Variants in RNF19A observed in about 807,000 individuals in gnomAD.
RNF19A encodes ring finger protein 19A, RBR E3 ubiquitin protein ligase, also known as E3 ubiquitin-protein ligase RNF19A.
Under a neutral mutation model 75.7 loss-of-function variants are expected in RNF19A, and 32 were observed. The observed-to-expected ratio is 0.42, with a 90% CI of 0.32 to 0.57. The LOEUF is 0.57. Among genes scored for constraint, RNF19A ranks in the 20% least tolerant of loss-of-function variants. RNF19A has a pLI of 0.10. For synonymous variants in RNF19A, 335 were observed against 345.2 expected (o/e 0.97, Z 0.33); for missense variants, 782 against 1,036.3 (o/e 0.75, Z 3.37).
At chr8:100,272,383 T>C (rs915738876) in intron 3 of RNF19A, among the ~76,000 whole-genome samples, 3 of 152,118 alleles carry the variant, frequency 2.0e-5, no homozygotes, top group African/African-American at 7.2e-5. Context: ...AAACAACTAA[T>C]TATTATACCA....
In RNF19A at chr8:100,269,875, T is replaced by G; in HGVS notation, c.1022A>C (p.Tyr341Ser). The G allele has an allele frequency of 6.2e-7, 1 of 1,604,280 alleles. No individual in the cohort carries two copies. Among genetic ancestry groups the G allele is most frequent in the Non-Finnish European group, 8.5e-7 (1 of 1,175,552 alleles). Reference protein sequence around the residue: ...LCMKEISDLHYLSPSGCTFWG... With the variant: ...LCMKEISDLHSLSPSGCTFWG... ...GCTCCTTCTATAAGCTTACCTTAGA[T>G]AATGCAAATCTGAGATTTCTTTCAT... Residue 341 changes from tyrosine (Y) to serine (S), a missense_variant, in exon 4 of 10, where the codon TAT (tyrosine) becomes TCT (serine). Coordinates refer to ENST00000341084, the MANE Select transcript of RNF19A (RefSeq NM_183419.4). This position sits in a 1 kb window ranked among gnomAD's most constrained non-coding sequence, Gnocchi z 5.7.
chr8:100,268,172 G>C (rs991301645), intron 5 of RNF19A, among the ~76,000 whole-genome samples: 2 of 150,892 alleles, frequency 1.3e-5, no homozygotes, highest in African/African-American at 4.9e-5. Flanking sequence ...ATTAATTTAG[G>C]CAACAACAGA....
At chr8:100,326,881 G>A (rs1331716617) in intron 1 of RNF19A, among the ~76,000 whole-genome samples, 1 of 152,186 alleles carries the variant, frequency 6.6e-6, no homozygotes, top group Non-Finnish European at 1.5e-5. Flanking sequence ...GAATTGGCAA[G>A]GTTTATTTAA....
Position 100,263,069 on chromosome 8 carries a change from G to C in RNF19A, c.1468+965C>G, listed in dbSNP as rs142314060. Among the ~76,000 whole-genome samples the C allele has an allele frequency of 2.2e-3, 329 of 152,318 alleles. 1 individual carries two copies. The highest frequency in any genetic ancestry group is 3.7e-3 in the South Asian group (18 of 4,832). ...GTTAGACACTCAAGTGCAGATTAAA[G>C]AGGAAAGTTACACATGCAAGTTTGA... On this transcript the variant is annotated intron_variant, in intron 7 of 9. Coordinates refer to ENST00000341084, the MANE Select transcript of RNF19A (RefSeq NM_183419.4).
rs554619911 is a variant in RNF19A at position 100,302,138 on chromosome 8, CA to C, written c.-94+7728del. 1.4e-3 allele frequency among the ~76,000 whole-genome samples: 207 copies of C among 152,272 alleles called. 1 individual carries two copies. Among genetic ancestry groups the C allele is most frequent in the African/African-American group, 4.6e-3 (191 of 41,554 alleles). On this transcript the variant is annotated intron_variant, in intron 1 of 9. Transcript: ENST00000341084. ...ACTTTGGCTTTTATTCTAAGTGAGA[CA>C]GGGAAACTTGGGTTTCTAAAGTGAC...
chr8:100,288,825 C>T lies in RNF19A; in HGVS notation c.-93-558G>A, dbSNP rs531028325. 4.6e-5 allele frequency among the ~76,000 whole-genome samples: 7 copies of T among 152,178 alleles called. No individual in the cohort carries two copies. The East Asian group carries it at 1.4e-3, about 29-fold the overall frequency. ...CCTGTAATCCCAGCACTTTGGGAGG[C>T]CAGGATGGGCGGATCACAAGTTCAG... is the stretch of plus-strand genomic sequence containing the variant. On this transcript the variant is annotated intron_variant, in intron 1 of 9. Transcript: ENST00000341084.
At chr8:100,291,748 C>T (rs1821304582) in intron 1 of RNF19A, among the ~76,000 whole-genome samples, 1 of 152,186 alleles carries the variant, frequency 6.6e-6, no homozygotes. Flanking sequence ...TAGGTTTCTT[C>T]TGTCACTTCT....
At chr8:100,327,377 G>A (rs1186127996) in intron 1 of RNF19A, among the ~76,000 whole-genome samples, 12 of 147,250 alleles carry the variant, frequency 8.1e-5, no homozygotes, top group Admixed American at 4.2e-4. Flanking sequence ...TCAGCCTCCC[G>A]AGTAGCTGGA....
rs746455249 is a variant in RNF19A, at chr8:100,268,832, C to T, written c.1144G>A (p.Ala382Thr). ...ATGCCAATAATCATTGCAGGAATAG[C>T]AATGCCAGCTATTAAAGCGATTCCG... The part of the protein sequence containing the change: ...PVGIALIAGI[A>T]IPAMIIGIPV... The change falls in exon 5 of 10, where the codon GCT becomes ACT. Residue 382 changes from alanine to threonine, a missense_variant. This residue lies in a region of RNF19A where 41 missense variants were observed against 75.9 expected (regional missense o/e 0.54). Transcript: ENST00000341084. 3 of 1,597,512 alleles carry T rather than the reference C, an allele frequency of 1.9e-6. No homozygotes were observed. The South Asian group carries it at 3.4e-5, about 18-fold the overall frequency.
intron 1 of RNF19A, 37 bp downstream of exon 1, chr8:100,309,830 C>T (rs2130261335): frequency 1.0e-6 from 1 of 985,656 alleles, no homozygotes; most frequent in Middle Eastern, 5.2e-4. Context: ...TTCTCTCCCG[C>T]TCCGGGGCGC....
chr8:100,281,745 C>T (rs1003120565), intron 2 of RNF19A, among the ~76,000 whole-genome samples: 6 of 152,256 alleles, frequency 3.9e-5, no homozygotes, highest in Admixed American at 1.3e-4. Flanking sequence ...CTTTAAATAA[C>T]TTTCTTTGTT....
chr8:100,324,577 ATC>A lies in RNF19A; in HGVS notation c.-242-11207_-242-11206del, dbSNP rs1822504050. Among the ~76,000 whole-genome samples the A allele has an allele frequency of 4.6e-5, 7 of 152,186 alleles. No homozygotes were observed. In the South Asian group the frequency reaches 1.5e-3, roughly 32 times the overall value. ...CAAACCCTACTCCCACTTTACCCCC[ATC>A]TAGTAATGAATCACTGTTTTCTTTT... On this transcript the variant is annotated intron_variant, in intron 1 of 3. Coordinates refer to the RNF19A transcript ENST00000519527. The surrounding 1 kb of genome is among the most constrained non-coding windows in gnomAD (Gnocchi z 4.2).
intron 1 of RNF19A, among the ~76,000 whole-genome samples, chr8:100,291,882 T>C (rs1397741645): frequency 6.6e-6 from 1 of 152,046 alleles, no homozygotes; most frequent in East Asian, 1.9e-4. Flanking sequence ...GACATCCAGA[T>C]GTATGGTACT....
At position 100,261,084 on chromosome 8, in the gene RNF19A, A is replaced by T. The variant is rs1378702814; in HGVS notation, c.1682+458T>A. On this transcript the variant is annotated intron_variant, in intron 8 of 9. Coordinates refer to ENST00000341084, the MANE Select transcript of RNF19A (RefSeq NM_183419.4). The surrounding 1 kb of genome is among the most constrained non-coding windows in gnomAD (Gnocchi z 4.4). ...CAGAATGTTATTCCTTAGACTTAGA[A>T]ATCTACCACCAAATTTTTCTTTTTT... 6.6e-6 allele frequency among the ~76,000 whole-genome samples: 1 copy of T among 152,074 alleles called. No individual in the cohort carries two copies. Among genetic ancestry groups the T allele is most frequent in the East Asian group, 1.9e-4 (1 of 5,188 alleles).
rs1321671265 is a variant in RNF19A at position 100,260,385 on chromosome 8, CTA to C, written c.1683-390_1683-389del. Among the ~76,000 whole-genome samples the C allele has an allele frequency of 6.6e-6, 1 of 152,116 alleles. No individual in the cohort carries two copies. The highest frequency in any genetic ancestry group is 2.4e-5 in the African/African-American group (1 of 41,420). ...CAATGAATCCAAAAATCCTGGGCATCTATATTAAAAAATGACTCTATAAATAA... is the reference window on the plus strand; with the variant it reads ...CAATGAATCCAAAAATCCTGGGCATCTATTAAAAAATGACTCTATAAATAA... On this transcript the variant is annotated intron_variant, in intron 8 of 9. Transcript: ENST00000341084. This position sits in a 1 kb window ranked among gnomAD's most constrained non-coding sequence, Gnocchi z 4.1.
intron 1 of RNF19A, among the ~76,000 whole-genome samples, chr8:100,308,399 A>G (rs1385181199): frequency 2.0e-5 from 3 of 152,198 alleles, no homozygotes; most frequent in Non-Finnish European, 2.9e-5. Flanking sequence ...TGAAACTGTA[A>G]CAAGGAAAGA....
At chr8:100,266,542 T>C (rs533015940) in intron 5 of RNF19A, among the ~76,000 whole-genome samples, 3 of 152,216 alleles carry the variant, frequency 2.0e-5, no homozygotes, top group Non-Finnish European at 2.9e-5. Flanking sequence ...ATAGGGTCTC[T>C]CTGTGTCGCT....
chr8:100,275,899 A>G lies in RNF19A; in HGVS notation c.675-738T>C, dbSNP rs552696844. Among the ~76,000 whole-genome samples the G allele has an allele frequency of 1.7e-4, 26 of 152,300 alleles. No homozygotes were observed. The South Asian group carries it at 5.2e-3, about 30-fold the overall frequency. On this transcript the variant is annotated intron_variant, in intron 2 of 9. Coordinates refer to ENST00000341084, the MANE Select transcript of RNF19A (RefSeq NM_183419.4). The surrounding 1 kb of genome is among the most constrained non-coding windows in gnomAD (Gnocchi z 4.3). The stretch of plus-strand genomic sequence containing the variant: ...ATAATTTTGTATGTATGCAGAAGTC[A>G]CACATTTTTCTTCCTAAGATGCATG...
At position 100,258,746 on chromosome 8, in the gene RNF19A, C is replaced by T; in HGVS notation, c.2327G>A (p.Ser776Asn). ...DRLENSPHQC[S>N]ISVVTQTASC... is the part of the protein sequence containing the mutation. ...AGCAGTTTGGGTAACCACAGAAATG[C>T]TACACTGATGTGGGGAATTTTCCAG... Residue 776 changes from serine (S) to asparagine (N), a missense_variant, in exon 10 of 10, where the codon AGC (serine) becomes AAC (asparagine). By Grantham distance (46) the Ser-to-Asn change is conservative. Coordinates refer to ENST00000341084, the MANE Select transcript of RNF19A (RefSeq NM_183419.4). This position sits in a 1 kb window ranked among gnomAD's most constrained non-coding sequence, Gnocchi z 4.3. The T allele has an allele frequency of 1.2e-6, 2 of 1,614,182 alleles. No individual in the cohort carries two copies. Among genetic ancestry groups the T allele is most frequent in the Non-Finnish European group, 1.7e-6 (2 of 1,180,026 alleles).
Sources: gnomAD v4.1 joint callset for allele counts (sites outside exome capture counted in the v4.1 genomes callset) on GRCh38, gnomAD v4.1.1 for gene constraint, gnomAD v4.1.1 regional missense constraint, Gnocchi (gnomAD v3.1) non-coding constraint, MANE v1.5 for transcripts, NCBI Gene and HGNC (gene_info 2026-07-23, HGNC 2026-07-21) for gene names.